Variants in DOCK1 observed in about 807,000 individuals in gnomAD.
The protein encoded by DOCK1 is dedicator of cytokinesis protein 1.
A neutral mutation model predicts 262.7 loss-of-function variants in DOCK1; 138 were observed. The ratio of observed to expected loss-of-function variants is 0.53; its 90% CI spans 0.46 to 0.61. DOCK1 has a LOEUF of 0.61. DOCK1 is among the 20% of genes least tolerant of loss of function. The pLI, the probability that DOCK1 is intolerant of heterozygous loss-of-function variation, is 0.00. For synonymous variants in DOCK1, 866 were observed against 867.4 expected (o/e 1.00, Z 0.03); for missense variants, 1,908 against 2,370.7 (o/e 0.80, Z 4.05).
At chr10:126,973,507 A>G (rs2038275543) in intron 2 of DOCK1, among the ~76,000 whole-genome samples, 1 of 152,146 alleles carries the variant, frequency 6.6e-6, no homozygotes. Context: ...TGACATCATG[A>G]TAAGAGATCT....
At chr10:126,928,722 T>G (rs1440463666) in intron 1 of DOCK1, among the ~76,000 whole-genome samples, 4 of 152,138 alleles carry the variant, frequency 2.6e-5, no homozygotes, top group Non-Finnish European at 5.9e-5. Flanking sequence ...CATGTGAGGA[T>G]GGAGGCAGAA....
intron 6 of DOCK1, among the ~76,000 whole-genome samples, chr10:126,992,228 A>AT (rs375019033): frequency 3.2e-4 from 48 of 152,194 alleles, no homozygotes; most frequent in African/African-American, 1.1e-3. Flanking sequence ...CTTTGATTTG[A>AT]TTTTCTATTG....
intron 3 of DOCK1, among the ~76,000 whole-genome samples, chr10:126,978,231 G>A (rs2038694865): frequency 6.6e-6 from 1 of 152,184 alleles, no homozygotes; most frequent in Admixed American, 6.5e-5. Flanking sequence ...GTGTTGGCCT[G>A]TTGTCTTCTG....
intron 27 of DOCK1, among the ~76,000 whole-genome samples, chr10:127,164,023 C>T (rs1250122883): frequency 6.6e-6 from 1 of 151,968 alleles, no homozygotes; most frequent in Non-Finnish European, 1.5e-5. Flanking sequence ...GGTAACAATG[C>T]TGGTGGATCG....
intron 43 of DOCK1, among the ~76,000 whole-genome samples, chr10:127,413,809 G>T (rs901307772): frequency 6.6e-6 from 1 of 152,208 alleles, no homozygotes; most frequent in African/African-American, 2.4e-5. Flanking sequence ...GGGACACGGA[G>T]GCCTTGCCTG....
intron 1 of DOCK1, among the ~76,000 whole-genome samples, chr10:126,948,752 G>T (rs1030159642): frequency 6.6e-6 from 1 of 152,066 alleles, no homozygotes; most frequent in East Asian, 1.9e-4. Context: ...TGGATCCCAA[G>T]CTTCCCCTCC....
At chr10:126,911,126 T>C (rs1288601425) in intron 1 of DOCK1, among the ~76,000 whole-genome samples, 2 of 152,214 alleles carry the variant, frequency 1.3e-5, no homozygotes, top group Admixed American at 6.5e-5. Flanking sequence ...CTGCCAAACT[T>C]TCCTGGAGTA....
At chr10:126,964,957 C>T (rs914162642) in intron 1 of DOCK1, among the ~76,000 whole-genome samples, 1 of 152,198 alleles carries the variant, frequency 6.6e-6, no homozygotes, top group Non-Finnish European at 1.5e-5. Flanking sequence ...AGGAAGAGTA[C>T]TTTGGGATCT....
At chr10:127,139,301 CA>C (rs1300720351) in intron 27 of DOCK1, among the ~76,000 whole-genome samples, 1 of 152,014 alleles carries the variant, frequency 6.6e-6, no homozygotes, top group Non-Finnish European at 1.5e-5. Context: ...AGTTTTAAAA[CA>C]AGTTCAGGAC....
intron 47 of DOCK1, among the ~76,000 whole-genome samples, chr10:127,430,125 C>T (rs2069181774): frequency 6.6e-6 from 1 of 152,144 alleles, no homozygotes; most frequent in Admixed American, 6.5e-5. Context: ...CCAGGAGTCA[C>T]CCTTCCTCCC....
chr10:127,311,020 G>A (rs140976381), intron 29 of DOCK1, among the ~76,000 whole-genome samples: 75 of 152,312 alleles, frequency 4.9e-4, no homozygotes, highest in African/African-American at 1.7e-3. Flanking sequence ...TTAGTACAGA[G>A]ATATTTGAAG....
chr10:127,358,955 G>A (rs927654775), intron 32 of DOCK1, among the ~76,000 whole-genome samples: 1 of 152,116 alleles, frequency 6.6e-6, no homozygotes, highest in Non-Finnish European at 1.5e-5. Context: ...ACTCTAGATG[G>A]GCTATGAGAC....
At chr10:127,281,916 A>G (rs2060975354) in intron 29 of DOCK1, among the ~76,000 whole-genome samples, 1 of 152,152 alleles carries the variant, frequency 6.6e-6, no homozygotes, top group Non-Finnish European at 1.5e-5. Flanking sequence ...TTGCATCAGT[A>G]CTGGGATTAG....
At chr10:126,944,096 G>A (rs1482766115) in intron 1 of DOCK1, among the ~76,000 whole-genome samples, 12 of 151,750 alleles carry the variant, frequency 7.9e-5, no homozygotes, top group Non-Finnish European at 1.8e-4. Context: ...GCCGTGCAGG[G>A]GAGGTGATGG....
chr10:126,980,282 C>T (rs2038860573), intron 3 of DOCK1, among the ~76,000 whole-genome samples: 1 of 152,124 alleles, frequency 6.6e-6, no homozygotes, highest in South Asian at 2.1e-4. Context: ...ACCGCGACTT[C>T]CTGGGCTCAA....
At chr10:126,956,399 T>A (rs1298232149) in intron 1 of DOCK1, among the ~76,000 whole-genome samples, 1 of 152,096 alleles carries the variant, frequency 6.6e-6, no homozygotes, top group Non-Finnish European at 1.5e-5. Flanking sequence ...CTACCCTCTG[T>A]CTAGTTAGAA....
chr10:127,104,986 T>C (rs1480625444), intron 23 of DOCK1, among the ~76,000 whole-genome samples: 2 of 152,208 alleles, frequency 1.3e-5, no homozygotes, highest in Non-Finnish European at 2.9e-5. Flanking sequence ...ATTGTAGCTC[T>C]GATAATCCCC....
intron 4 of DOCK1, among the ~76,000 whole-genome samples, chr10:126,985,934 T>C (rs1266939198): frequency 6.6e-6 from 1 of 152,150 alleles, no homozygotes; most frequent in Non-Finnish European, 1.5e-5. Context: ...AACTTCCGTC[T>C]CCCGGGTTCA....
At chr10:127,093,202 C>CTTTCTTTCTTTCTTTCTTTCTTTT (rs1554883887) in intron 23 of DOCK1, among the ~76,000 whole-genome samples, 3 of 129,628 alleles carry the variant, frequency 2.3e-5, no homozygotes, top group African/African-American at 3.5e-5. Context: ...TCTCCTTTTT[C>CTTTCTTTCTTTCTTTCTTTCTTTT]TTTCTTTCTT....
Sources: allele counts gnomAD v4.1 joint callset (sites outside exome capture counted in the v4.1 genomes callset), GRCh38; gene constraint gnomAD v4.1.1; transcripts MANE v1.5; gene names NCBI Gene and HGNC (gene_info 2026-07-23, HGNC 2026-07-21).